ZNF729: variants seen among roughly 807,000 people sequenced by gnomAD.
ZNF729 encodes the protein zinc finger protein 729.
A neutral mutation model predicts 12.2 loss-of-function variants in ZNF729; 15 were observed. That is an observed-to-expected ratio of 1.23 (90% confidence interval 0.82 to 1.89). The LOEUF (loss-of-function observed/expected upper bound fraction) is 1.89, where lower values mean the gene tolerates loss of function less well. Ranked by LOEUF, ZNF729 falls within the 40% of genes most tolerant of loss-of-function variation. The pLI, the probability that ZNF729 is intolerant of heterozygous loss-of-function variation, is 0.00. For missense variants in ZNF729, 1,540 were observed against 1,456.7 expected, an observed-to-expected ratio of 1.06 and a Z score of -0.93; for synonymous variants, 492 against 476.3, an observed-to-expected ratio of 1.03 and a Z score of -0.43.
chr19:22,314,801 T>A lies in ZNF729; in HGVS notation c.1384T>A (p.Cys462Ser). ...IIHTGEKPYK[C>S]EECGKAFRQS... The stretch of plus-strand genomic sequence containing the variant: ...TCATACTGGGGAGAAACCATACAAA[T>A]GTGAAGAATGTGGCAAAGCTTTTAG... The change falls in exon 4 of 4, where the codon TGT (cysteine) becomes AGT (serine). Residue 462 changes from cysteine to serine, a missense_variant. Cys to Ser is a moderately radical substitution (Grantham distance 112). Transcript: ENST00000601693. 3 of 1,613,442 alleles carry A rather than the reference T, an allele frequency of 1.9e-6. No homozygotes were observed. The highest frequency in any genetic ancestry group is 2.5e-6 in the Non-Finnish European group (3 of 1,179,830).
intron 1 of ZNF729, among the ~76,000 whole-genome samples, chr19:22,297,580 ATTATTC>A (rs1298672366): frequency 6.6e-6 from 1 of 151,624 alleles, no homozygotes; most frequent in Admixed American, 6.6e-5. Flanking sequence ...TGAACCTCTT[ATTATTC>A]TTTGTGACTC....
At chr19:22,302,337 A>C (rs1968320369) in intron 1 of ZNF729, among the ~76,000 whole-genome samples, 2 of 152,312 alleles carry the variant, frequency 1.3e-5, no homozygotes, top group South Asian at 4.1e-4. Flanking sequence ...TACATGGTTG[A>C]ATTAAACGTC....
At chr19:22,312,859 G>T (rs192983613) in intron 3 of ZNF729, among the ~76,000 whole-genome samples, 1 of 152,032 alleles carries the variant, frequency 6.6e-6, no homozygotes, top group Non-Finnish European at 1.5e-5. Context: ...GATTTCAGGC[G>T]TGTGCCACCA....
At position 22,316,732 on chromosome 19, in the gene ZNF729, A is replaced by G. The variant is rs747763176; in HGVS notation, c.3315A>G (p.Gln1105=). 69 of 1,612,802 alleles carry G rather than the reference A, an allele frequency of 4.3e-5. 1 individual carries two copies. The highest frequency in any genetic ancestry group is 3.3e-4 in the Middle Eastern group (2 of 6,068). The part of the protein sequence containing the change: ...KVIHTGKKPY[Q]CDECGKAFNN... ...TTCATACTGGAAAGAAACCCTACCA[A>G]TGTGACGAATGTGGCAAAGCTTTTA... The change falls in exon 4 of 4, where the codon CAA becomes CAG. Residue 1105 remains glutamine, a synonymous_variant. Coordinates refer to ENST00000601693, the MANE Select transcript of ZNF729 (RefSeq NM_001242680.2).
In ZNF729 at chr19:22,304,635, T is replaced by G. The variant is rs16998944; in HGVS notation, c.158-53T>G. The G allele has an allele frequency of 0.079, 115,583 of 1,456,922 alleles. 6,220 individuals carry two copies. The highest frequency in any genetic ancestry group is 0.23 in the East Asian group (9,169 of 40,166). 90.2% of individuals were successfully genotyped at this position (1,456,922 alleles called of 1,614,324 possible). ...TCTATTACATTCTCTTTAATGAGCA[T>G]ATTATTTGGGTAATATGACCAATAT... On this transcript the variant is annotated intron_variant, in intron 2 of 3. Transcript: ENST00000601693.
chr19:22,299,946 G>C (rs1385269796), intron 1 of ZNF729: 4 of 152,260 alleles, frequency 2.6e-5, no homozygotes. Flanking sequence ...AGTGTGCTCT[G>C]CCTCAATGGC....
At chr19:22,312,147 C>G (rs1159550012) in intron 3 of ZNF729, among the ~76,000 whole-genome samples, 1 of 151,588 alleles carries the variant, frequency 6.6e-6, no homozygotes, top group Non-Finnish European at 1.5e-5. Context: ...GATCTGTGTT[C>G]CTGTTTCTCT....
intron 1 of ZNF729, among the ~76,000 whole-genome samples, chr19:22,291,710 A>C (rs530603731): frequency 1.3e-5 from 2 of 152,192 alleles, no homozygotes; most frequent in African/African-American, 4.8e-5. Context: ...CCCTCTCCCC[A>C]ACCCATAAAG....
In ZNF729 at chr19:22,315,307, T is replaced by G; in HGVS notation, c.1890T>G (p.Cys630Trp). ...ATACTGGGAAGAAACCGTACAAATGTGAAGAATGTGGCAAAGCTTTTAGGC... is the reference window on the plus strand; with the variant it reads ...ATACTGGGAAGAAACCGTACAAATGGGAAGAATGTGGCAAAGCTTTTAGGC... The part of the protein sequence containing the change: ...IIHTGKKPYK[C>W]EECGKAFRQS... Residue 630 changes from cysteine to tryptophan, a missense_variant, in exon 4 of 4, where the codon TGT becomes TGG. By Grantham distance (215) the Cys-to-Trp change is radical (BLOSUM62 -2). Transcript: ENST00000601693. 6.2e-7 allele frequency: 1 copy of G among 1,613,390 alleles called. No individual in the cohort carries two copies. Among genetic ancestry groups the G allele is most frequent in the South Asian group, 1.1e-5 (1 of 91,044 alleles).
intron 3 of ZNF729, among the ~76,000 whole-genome samples, chr19:22,305,387 A>G (rs1220078859): frequency 1.3e-5 from 2 of 152,166 alleles, no homozygotes; most frequent in Non-Finnish European, 2.9e-5. Flanking sequence ...TTAATCTTTT[A>G]CATGAATTTT....
At chr19:22,287,593 T>G (rs1253499647) in intron 1 of ZNF729, among the ~76,000 whole-genome samples, 3 of 151,930 alleles carry the variant, frequency 2.0e-5, no homozygotes, top group Non-Finnish European at 2.9e-5. Context: ...AAAGTAGATA[T>G]CAGGGACTAG....
intron 1 of ZNF729, among the ~76,000 whole-genome samples, chr19:22,291,035 G>A (rs1401030317): frequency 6.6e-6 from 1 of 152,170 alleles, no homozygotes; most frequent in Non-Finnish European, 1.5e-5. Context: ...GGCATCTGCA[G>A]TAAGAACAAT....
chr19:22,311,005 A>G (rs1968443565), intron 3 of ZNF729, among the ~76,000 whole-genome samples: 1 of 151,884 alleles, frequency 6.6e-6, no homozygotes, highest in Admixed American at 6.6e-5. Flanking sequence ...GCCTTCAATG[A>G]TCTTTTGTAT....
intron 1 of ZNF729, among the ~76,000 whole-genome samples, chr19:22,301,352 A>G (rs1447828374): frequency 6.6e-6 from 1 of 152,174 alleles, no homozygotes; most frequent in African/African-American, 2.4e-5. Context: ...TAAACTGTCA[A>G]CTTAAATCTA....
intron 1 of ZNF729, 30 bp from the exon 2 acceptor site, chr19:22,303,728 T>C (rs1968344509): frequency 1.3e-6 from 2 of 1,506,536 alleles, no homozygotes; most frequent in Non-Finnish European, 1.8e-6. Context: ...ACTTGGGAAA[T>C]GTATATGTGT....
At chr19:22,298,667 C>A (rs1160605941) in intron 1 of ZNF729, among the ~76,000 whole-genome samples, 2 of 152,134 alleles carry the variant, frequency 1.3e-5, no homozygotes, top group Non-Finnish European at 2.9e-5. Flanking sequence ...ACACCCACCA[C>A]CATGCCTGGC....
At position 22,314,174 on chromosome 19, in the gene ZNF729, A is replaced by C. The variant is rs1313491915; in HGVS notation, c.757A>C (p.Lys253Gln). The C allele has an allele frequency of 2.4e-5, 38 of 1,581,180 alleles. No individual in the cohort carries two copies. Among genetic ancestry groups the C allele is most frequent in the Non-Finnish European group, 3.0e-5 (35 of 1,164,430 alleles). ...CTTTAAATTTTCTTCAACGTTCACT[A>C]AACATAAGAGAATTCATACTGGAGA... is the stretch of plus-strand genomic sequence containing the variant. ...NAFKFSSTFT[K>Q]HKRIHTGETP... The change falls in exon 4 of 4, where the codon AAA (lysine) becomes CAA (glutamine). Residue 253 changes from lysine (K) to glutamine (Q), a missense_variant. By Grantham distance (53) the Lys-to-Gln change is moderately conservative (BLOSUM62 1). Coordinates refer to ENST00000601693, the MANE Select transcript of ZNF729 (RefSeq NM_001242680.2).
chr19:22,311,954 G>GT (rs200572027), intron 3 of ZNF729, among the ~76,000 whole-genome samples: 3,327 of 151,610 alleles, frequency 0.022, 107 homozygotes, highest in African/African-American at 0.076. Flanking sequence ...GTCCCTCTTT[G>GT]TTTTTTTTAA....
At position 22,315,184 on chromosome 19, in the gene ZNF729, A is replaced by T. The variant is rs533365210; in HGVS notation, c.1767A>T (p.Lys589Asn). ...KAFKHFSALR[K>N]HKVIHTREKL... ...TTAAGCATTTCTCAGCCCTCAGAAA[A>T]CATAAGGTAATTCATACTAGGGAGA... is the stretch of plus-strand genomic sequence containing the variant. Residue 589 changes from lysine to asparagine, a missense_variant, in exon 4 of 4, where the codon AAA (lysine) becomes AAT (asparagine). Physicochemically the swap from Lys to Asn is moderately conservative, Grantham distance 94. Coordinates refer to ENST00000601693, the MANE Select transcript of ZNF729 (RefSeq NM_001242680.2). 1.8e-5 allele frequency: 29 copies of T among 1,611,878 alleles called. No individual in the cohort carries two copies. In the South Asian group the frequency reaches 3.2e-4, roughly 18 times the overall value.
Sources: gnomAD v4.1 joint callset for allele counts (sites outside exome capture counted in the v4.1 genomes callset) on GRCh38, gnomAD v4.1.1 for gene constraint, MANE v1.5 for transcripts, NCBI Gene and HGNC (gene_info 2026-07-23, HGNC 2026-07-21) for gene names.